The following GREM2 variants were observed in gnomAD, a reference collection of about 807,000 sequenced individuals.
GREM2 encodes gremlin-2.
GREM2 carries 11 observed loss-of-function variants against 14.2 expected under a neutral mutation model. The observed-to-expected ratio is 0.78, with a 90% CI of 0.49 to 1.28. The LOEUF is 1.28. GREM2 is among the 50% of genes most tolerant of loss of function. GREM2 has a pLI of 0.00. For synonymous variants in GREM2, 98 were observed against 97.6 expected, an observed-to-expected ratio of 1.00 and a Z score of -0.02; for missense variants, 210 against 218.5, an observed-to-expected ratio of 0.96 and a Z score of 0.24.
chr1:240,570,719 T>G (rs920348779), intron 1 of GREM2, among the ~76,000 whole-genome samples: 4 of 152,212 alleles, frequency 2.6e-5, no homozygotes, highest in Non-Finnish European at 4.4e-5. Flanking sequence ...TTTCACTACT[T>G]TGTTCATTAC....
In GREM2 at chr1:240,493,383, G is replaced by A; in HGVS notation, c.93C>T (p.Pro31=). The A allele has an allele frequency of 6.2e-7, 1 of 1,613,634 alleles. No homozygotes were observed. Among genetic ancestry groups the A allele is most frequent in the Non-Finnish European group, 8.5e-7 (1 of 1,179,970 alleles). The change falls in exon 2 of 2, where the codon CCC becomes CCT. Residue 31 remains proline (P), a synonymous_variant. Coordinates refer to ENST00000318160, the MANE Select transcript of GREM2 (RefSeq NM_022469.4). The stretch of plus-strand genomic sequence containing the variant: ...TGCTGCTGCCGTCCTTGTAAGGCGA[G>A]GGGATGGCGCCCGCCGGCCGGTTCT... ...ARKNRPAGAI[P]SPYKDGSSNN... is the part of the protein sequence containing the mutation.
At chr1:240,552,999 T>C (rs1240707241) in intron 1 of GREM2, among the ~76,000 whole-genome samples, 1 of 152,196 alleles carries the variant, frequency 6.6e-6, no homozygotes, top group Non-Finnish European at 1.5e-5. Context: ...GGAAAATATC[T>C]TTTTAAGAAA....
chr1:240,605,554 A>C (rs1290892835), intron 1 of GREM2, among the ~76,000 whole-genome samples: 1 of 152,122 alleles, frequency 6.6e-6, no homozygotes, highest in Non-Finnish European at 1.5e-5. Context: ...TTTTTTAAAA[A>C]TCTAACCTCT....
chr1:240,600,175 T>C (rs1273690386), intron 1 of GREM2, among the ~76,000 whole-genome samples: 2 of 151,996 alleles, frequency 1.3e-5, no homozygotes, highest in African/African-American at 4.8e-5. Context: ...TAGTTTGCAG[T>C]CTTAAAACAC....
intron 1 of GREM2, among the ~76,000 whole-genome samples, chr1:240,591,033 G>A (rs974456994): frequency 1.3e-5 from 2 of 152,030 alleles, no homozygotes; most frequent in African/African-American, 2.4e-5. Context: ...GCCCTCCTTG[G>A]CCTCCCGAAG....
intron 1 of GREM2, among the ~76,000 whole-genome samples, chr1:240,569,702 C>T (rs1389459824): frequency 6.6e-6 from 1 of 152,118 alleles, no homozygotes; most frequent in Non-Finnish European, 1.5e-5. Flanking sequence ...AAAATTTACT[C>T]ATGATGGGTA....
At chr1:240,541,607 T>C (rs1347304706) in intron 1 of GREM2, among the ~76,000 whole-genome samples, 1 of 152,340 alleles carries the variant, frequency 6.6e-6, no homozygotes, top group Admixed American at 6.5e-5. Context: ...TTTGGTTGCG[T>C]TAACTCTCAG....
chr1:240,575,061 C>A (rs548217224), intron 1 of GREM2, among the ~76,000 whole-genome samples: 7 of 151,866 alleles, frequency 4.6e-5, no homozygotes, highest in African/African-American at 1.4e-4. Flanking sequence ...GAGCCAAGAT[C>A]GCACCACTGC....
chr1:240,573,832 A>C (rs749397828), intron 1 of GREM2, among the ~76,000 whole-genome samples: 3 of 152,190 alleles, frequency 2.0e-5, no homozygotes, highest in Non-Finnish European at 2.9e-5. Flanking sequence ...TTGCGGGTAG[A>C]GGATGGTAAA....
chr1:240,570,805 A>G (rs1679246367), intron 1 of GREM2, among the ~76,000 whole-genome samples: 1 of 152,220 alleles, frequency 6.6e-6, no homozygotes, highest in South Asian at 2.1e-4. Flanking sequence ...AGGCCATGTC[A>G]TGAATACTTT....
intron 1 of GREM2, among the ~76,000 whole-genome samples, chr1:240,537,864 A>G (rs940057825): frequency 6.6e-6 from 1 of 152,182 alleles, no homozygotes; most frequent in South Asian, 2.1e-4. Context: ...ATACAAATAT[A>G]ATATATTAAT....
intron 1 of GREM2, among the ~76,000 whole-genome samples, chr1:240,544,266 G>T (rs1317068014): frequency 6.6e-6 from 1 of 151,304 alleles, no homozygotes; most frequent in African/African-American, 2.4e-5. Context: ...TCCTGCCTCA[G>T]CCTCCTTAGT....
chr1:240,585,886 G>A lies in GREM2; in HGVS notation c.-2+25998C>T, dbSNP rs1340298742. On this transcript the variant is annotated intron_variant, in intron 1 of 1. Coordinates refer to ENST00000318160, the MANE Select transcript of GREM2 (RefSeq NM_022469.4). ...ACTGAGTTAAGAGTATGAAGGGAAA[G>A]GAAGCTTGTGCATTTAAAAAGAACT... Among the ~76,000 whole-genome samples, 4 of 152,016 alleles carry A rather than the reference G, an allele frequency of 2.6e-5. No individual in the cohort carries two copies. In the South Asian group the frequency reaches 8.3e-4, roughly 32 times the overall value.
intron 1 of GREM2, among the ~76,000 whole-genome samples, chr1:240,552,001 C>A (rs1678863000): frequency 6.6e-6 from 1 of 151,948 alleles, no homozygotes; most frequent in African/African-American, 2.4e-5. Context: ...GACTATGAAG[C>A]CAACATTCTC....
At chr1:240,610,094 C>G (rs540088288) in intron 1 of GREM2, among the ~76,000 whole-genome samples, 2 of 152,052 alleles carry the variant, frequency 1.3e-5, no homozygotes, top group Non-Finnish European at 2.9e-5. Flanking sequence ...AAGTTGCTAC[C>G]AACACACCCA....
chr1:240,519,943 G>C (rs546638288), intron 1 of GREM2, among the ~76,000 whole-genome samples: 53 of 152,226 alleles, frequency 3.5e-4, no homozygotes, highest in Non-Finnish European at 6.3e-4. Context: ...AGCTGGGCGT[G>C]GTGGCGCATG....
intron 1 of GREM2, among the ~76,000 whole-genome samples, chr1:240,532,570 T>C (rs1415612827): frequency 6.6e-6 from 1 of 151,896 alleles, no homozygotes; most frequent in African/African-American, 2.4e-5. Flanking sequence ...AAGGAAGAAA[T>C]AGAAGTGACA....
Position 240,493,087 on chromosome 1 carries a change from G to A in GREM2, c.389C>T (p.Ser130Phe), listed in dbSNP as rs909905173. 10 of 1,613,884 alleles carry A rather than the reference G, an allele frequency of 6.2e-6. No homozygotes were observed. The highest frequency in any genetic ancestry group is 7.6e-6 in the Non-Finnish European group (9 of 1,179,876). ...GGGGCACTCGAGCTCCACGAGGACGGAGGTGACGCGCTGGGGCTTGCAGAA... is the reference window on the plus strand; with the variant it reads ...GGGGCACTCGAGCTCCACGAGGACGAAGGTGACGCGCTGGGGCTTGCAGAA... ...CAFCKPQRVT[S>F]VLVELECPGL... The change falls in exon 2 of 2, where the codon TCC becomes TTC. Residue 130 changes from serine to phenylalanine, a missense_variant. By Grantham distance (155) the Ser-to-Phe change is radical. Coordinates refer to ENST00000318160, the MANE Select transcript of GREM2 (RefSeq NM_022469.4).
chr1:240,516,057 C>A (rs879344328), intron 1 of GREM2, among the ~76,000 whole-genome samples: 1 of 151,818 alleles, frequency 6.6e-6, no homozygotes, highest in African/African-American at 2.4e-5. Context: ...CCCCATGCCC[C>A]AAGTATACTC....
Sources: allele counts gnomAD v4.1 joint callset (sites outside exome capture counted in the v4.1 genomes callset), GRCh38; gene constraint gnomAD v4.1.1; transcripts MANE v1.5; gene names NCBI Gene and HGNC (gene_info 2026-07-23, HGNC 2026-07-21).